Variants in AMPH observed in about 807,000 individuals in gnomAD.
The protein encoded by AMPH is amphiphysin.
A neutral mutation model predicts 99.1 loss-of-function variants in AMPH; 49 were observed. The observed-to-expected ratio is 0.49, with a 90% CI of 0.39 to 0.63. The LOEUF is 0.63. AMPH is among the 20% of genes least tolerant of loss of function. The probability of loss-of-function intolerance (pLI) is 0.00; values close to 1 mark genes in which losing one functional copy is unlikely to be tolerated. For synonymous variants in AMPH, 314 were observed against 317.3 expected, an observed-to-expected ratio of 0.99 and a Z score of 0.11; for missense variants, 759 against 863.4, an observed-to-expected ratio of 0.88 and a Z score of 1.52.
At chr7:38,540,080 G>T (rs947975468) in intron 1 of AMPH, among the ~76,000 whole-genome samples, 27 of 152,162 alleles carry the variant, frequency 1.8e-4, no homozygotes, top group Admixed American at 2.0e-4. Context: ...ATTACAGGAG[G>T]ATTACTATGT....
intron 1 of AMPH, among the ~76,000 whole-genome samples, chr7:38,604,436 T>C (rs905454941): frequency 1.3e-5 from 2 of 152,126 alleles, no homozygotes; most frequent in Non-Finnish European, 2.9e-5. Flanking sequence ...GCTTGTGTGC[T>C]GATGTGGGGT....
intron 1 of AMPH, among the ~76,000 whole-genome samples, chr7:38,579,835 T>C (rs1792380237): frequency 6.6e-6 from 1 of 152,236 alleles, no homozygotes; most frequent in African/African-American, 2.4e-5. Flanking sequence ...AACATTGAGC[T>C]AGCTCCTCTC....
chr7:38,524,816 G>A (rs1340418902), intron 2 of AMPH, among the ~76,000 whole-genome samples: 1 of 151,966 alleles, frequency 6.6e-6, no homozygotes, highest in Non-Finnish European at 1.5e-5. Flanking sequence ...ATCTGATGTG[G>A]CAATATGGGG....
At chr7:38,600,485 AG>A (rs1225168837) in intron 1 of AMPH, among the ~76,000 whole-genome samples, 2 of 152,198 alleles carry the variant, frequency 1.3e-5, no homozygotes, top group Admixed American at 1.3e-4. Flanking sequence ...ACCATAAAAA[AG>A]GTTTTATTTT....
intron 1 of AMPH, among the ~76,000 whole-genome samples, chr7:38,540,895 A>G (rs1790784814): frequency 6.6e-6 from 1 of 151,364 alleles, no homozygotes; most frequent in Admixed American, 6.6e-5. Flanking sequence ...AACTAGACAA[A>G]TTTTCAACTC....
At chr7:38,524,011 G>A (rs730582) in intron 2 of AMPH, among the ~76,000 whole-genome samples, 16,032 of 152,120 alleles carry the variant, frequency 0.11, 1,236 homozygotes, top group East Asian at 0.28. Flanking sequence ...AGAGATACCT[G>A]CATATCATCT....
rs75366680 is a variant in AMPH, at chr7:38,404,322, A to C, written c.1399-10108T>G. ...CAAGGGTAAGCCAGCTGTCATCCTT[A>C]AGTGCCACCTACTGGACTGGAGACT... On this transcript the variant is annotated intron_variant, in intron 17 of 20. Coordinates refer to ENST00000356264, the MANE Select transcript of AMPH (RefSeq NM_001635.4). 5.8e-3 allele frequency among the ~76,000 whole-genome samples: 890 copies of C among 152,152 alleles called. 11 individuals carry two copies. Among genetic ancestry groups the C allele is most frequent in the African/African-American group, 0.021 (852 of 41,502 alleles).
intron 1 of AMPH, among the ~76,000 whole-genome samples, chr7:38,538,442 G>C (rs954844250): frequency 6.6e-6 from 1 of 152,166 alleles, no homozygotes; most frequent in African/African-American, 2.4e-5. Flanking sequence ...TGTGGAACTG[G>C]AGTGGACAAG....
chr7:38,441,790 C>CATATATATGATATATCTG (rs1230793392), intron 11 of AMPH, among the ~76,000 whole-genome samples: 2 of 71,994 alleles, frequency 2.8e-5, no homozygotes, highest in African/African-American at 1.2e-4. Flanking sequence ...ATATATCTGT[C>CATATATATGATATATCTG]ATATATATCA....
chr7:38,430,140 T>TA (rs1226683106), intron 13 of AMPH: 3 of 419,736 alleles, frequency 7.1e-6, no homozygotes, highest in Non-Finnish European at 1.3e-5. Flanking sequence ...ACTTCTGCTT[T>TA]AGCAGACTCT....
At chr7:38,568,530 C>T (rs1791828694) in intron 1 of AMPH, among the ~76,000 whole-genome samples, 1 of 152,180 alleles carries the variant, frequency 6.6e-6, no homozygotes, top group South Asian at 2.1e-4. Context: ...CTAATATCTC[C>T]CCAAATTCTG....
intron 1 of AMPH, among the ~76,000 whole-genome samples, chr7:38,614,825 T>C (rs4720295): frequency 0.08 from 12,159 of 152,162 alleles, 796 homozygotes; most frequent in African/African-American, 0.17. Context: ...TGCTGGGATA[T>C]AACTACTGTG....
chr7:38,439,092 T>C (rs548334726), intron 11 of AMPH, among the ~76,000 whole-genome samples: 2 of 152,268 alleles, frequency 1.3e-5, no homozygotes, highest in South Asian at 4.1e-4. Flanking sequence ...AGTGTGGCAC[T>C]TCCCCCCTGC....
Position 38,610,234 on chromosome 7 carries a change from CAAAAA to C in AMPH, c.69+21044_69+21048del, listed in dbSNP as rs544036143. ...CCGGGCAACAAAAGCTAAGCTCTCTCAAAAAAAAAAAAAAAAAAAAAAAAAAAAAG... is the reference window on the plus strand; with the variant it reads ...CCGGGCAACAAAAGCTAAGCTCTCTCAAAAAAAAAAAAAAAAAAAAAAAAG... On this transcript the variant is annotated intron_variant, in intron 1 of 20. Coordinates refer to ENST00000356264, the MANE Select transcript of AMPH (RefSeq NM_001635.4). Among the ~76,000 whole-genome samples the C allele has an allele frequency of 1.6e-3, 10 of 6,126 alleles. 1 individual carries two copies. The highest frequency in any genetic ancestry group is 0.01 in the South Asian group (1 of 98). The allele number at this position is 6,126 out of a possible 152,430, so 4.0% of individuals were successfully genotyped here. A position where few individuals can be genotyped will look rare whatever the true frequency, so the allele number is the denominator to read the frequency against.
At chr7:38,426,828 G>A (rs1562745612) in intron 15 of AMPH, 126 bp downstream of exon 15, 2 of 749,666 alleles carry the variant, frequency 2.7e-6, no homozygotes, top group East Asian at 5.3e-5. Context: ...GTAAGTAGTG[G>A]GGTCCAATTT....
rs772069356 is a variant in AMPH at position 38,463,096 on chromosome 7, C to T, written c.767G>A (p.Arg256His). Residue 256 changes from arginine to histidine, a missense_variant, in exon 10 of 21, where the codon CGC becomes CAC. Physicochemically the swap from Arg to His is conservative, Grantham distance 29. This residue lies in a region of AMPH where 554 missense variants were observed against 575.6 expected (regional missense o/e 0.96). Transcript: ENST00000356264. ...AGGCGGTGATGGTGTCTTTGCAATG[C>T]GGAGAGGACCCGAATCACTAGAGGA... ...QGAPSDSGPL[R>H]IAKTPSPPEE... 1.6e-5 allele frequency: 25 copies of T among 1,612,854 alleles called. No homozygotes were observed. Among genetic ancestry groups the T allele is most frequent in the Middle Eastern group, 1.7e-4 (1 of 6,004 alleles).
intron 1 of AMPH, among the ~76,000 whole-genome samples, chr7:38,618,865 T>C (rs2129069574): frequency 6.6e-6 from 1 of 152,296 alleles, no homozygotes; most frequent in Non-Finnish European, 1.5e-5. Flanking sequence ...ATGACAAACA[T>C]AAATCCTGTC....
chr7:38,407,722 A>C (rs2128983302), intron 17 of AMPH, among the ~76,000 whole-genome samples: 1 of 152,356 alleles, frequency 6.6e-6, no homozygotes, highest in African/African-American at 2.4e-5. Flanking sequence ...AATTTTAGCC[A>C]AATGATATTC....
At chr7:38,518,005 C>A (rs1789817640) in intron 2 of AMPH, among the ~76,000 whole-genome samples, 1 of 152,192 alleles carries the variant, frequency 6.6e-6, no homozygotes, top group Non-Finnish European at 1.5e-5. Flanking sequence ...CTCCACCCTC[C>A]ACAGGCTCAC....
Sources: allele counts gnomAD v4.1 joint callset (sites outside exome capture counted in the v4.1 genomes callset), GRCh38; gene constraint gnomAD v4.1.1; regional missense constraint gnomAD v4.1.1; transcripts MANE v1.5; gene names NCBI Gene and HGNC (gene_info 2026-07-23, HGNC 2026-07-21).